The following SGCE variants were observed in gnomAD, a reference collection of about 807,000 sequenced individuals.
SGCE encodes the protein epsilon-sarcoglycan.
SGCE carries 26 observed loss-of-function variants against 57.8 expected under a neutral mutation model. That is an observed-to-expected ratio of 0.45 (90% confidence interval 0.33 to 0.62). SGCE has a LOEUF of 0.62. Ranked by LOEUF, SGCE falls within the 20% of genes least tolerant of loss-of-function variation. The pLI, the probability that SGCE is intolerant of heterozygous loss-of-function variation, is 0.02. For synonymous variants in SGCE, 183 were observed against 189.5 expected (o/e 0.97, Z 0.28); for missense variants, 468 against 548.6 (o/e 0.85, Z 1.47).
chr7:94,635,460 T>C (rs925511274), intron 1 of SGCE, among the ~76,000 whole-genome samples: 3 of 152,198 alleles, frequency 2.0e-5, no homozygotes, highest in Non-Finnish European at 2.9e-5. Context: ...AAATGTTAAG[T>C]ACTGACAAAA....
intron 9 of SGCE, among the ~76,000 whole-genome samples, chr7:94,593,565 A>G (rs1797984492): frequency 6.6e-6 from 1 of 152,006 alleles, no homozygotes; most frequent in Non-Finnish European, 1.5e-5. Flanking sequence ...TTCCCCAAGC[A>G]TAAGACTACA....
chr7:94,617,311 C>T lies in SGCE; in HGVS notation c.662+1447G>A, dbSNP rs987211596. 6 of 152,160 alleles carry T rather than the reference C, an allele frequency of 3.9e-5. No homozygotes were observed. In the South Asian group the frequency reaches 6.2e-4, roughly 16 times the overall value. 9.4% of individuals were successfully genotyped at this position (152,160 alleles called of 1,614,324 possible). The stretch of plus-strand genomic sequence containing the variant: ...AGTTCAGGTTCTAAAAGTACCTCGA[C>T]GGGTGGGACCTGCACTACTAACGAG... On this transcript the variant is annotated intron_variant, in intron 5 of 10. Transcript: ENST00000648936.
intron 4 of SGCE, 33 bp from the exon 5 acceptor site, chr7:94,618,989 T>C: frequency 7.2e-7 from 1 of 1,385,896 alleles, no homozygotes; most frequent in South Asian, 1.2e-5. Context: ...TGCATATCTT[T>C]AATGAAGTAG....
intron 5 of SGCE, among the ~76,000 whole-genome samples, chr7:94,605,362 A>G (rs1386048916): frequency 6.6e-6 from 1 of 151,546 alleles, no homozygotes; most frequent in African/African-American, 2.4e-5. Context: ...TCAGAGAAGG[A>G]ATAAGTGAAG....
At chr7:94,637,086 C>T (rs1584735701) in intron 1 of SGCE, among the ~76,000 whole-genome samples, 1 of 149,434 alleles carries the variant, frequency 6.7e-6, no homozygotes, top group Non-Finnish European at 1.5e-5. Flanking sequence ...CTACACAAAA[C>T]ATATATTTGT....
intron 1 of SGCE, chr7:94,644,587 A>G: frequency 8.3e-7 from 1 of 1,198,006 alleles, no homozygotes; most frequent in Non-Finnish European, 1.1e-6. Context: ...ATGAAATTTA[A>G]TCTGATTATC....
intron 1 of SGCE, chr7:94,639,365 T>C (rs1019303070): frequency 1.2e-5 from 18 of 1,534,258 alleles, no homozygotes; most frequent in Non-Finnish European, 1.4e-5. Context: ...GCAGCCATTT[T>C]TCTGCTGATA....
At chr7:94,590,627 T>C (rs369565973) in intron 9 of SGCE, 5 of 152,170 alleles carry the variant, frequency 3.3e-5, no homozygotes, top group African/African-American at 7.2e-5. Context: ...ATTTTCAGTT[T>C]TTTGTTTTCT....
Position 94,618,833 on chromosome 7 carries a change from A to G in SGCE, c.587T>C (p.Leu196Pro). The change falls in exon 5 of 11, where the codon CTG (leucine) becomes CCG (proline). Residue 196 changes from leucine (L) to proline (P), a missense_variant. Coordinates refer to ENST00000648936, the MANE Select transcript of SGCE (RefSeq NM_003919.3). ...AVKNVWQPER[L>P]NAINITSALD... is the part of the protein sequence containing the mutation. ...GGCCGATGTGATGTTTATGGCGTTC[A>G]GGCGCTCTGGCTGCCACACATTTTT... 6.2e-7 allele frequency: 1 copy of G among 1,614,068 alleles called. No homozygotes were observed. The highest frequency in any genetic ancestry group is 8.5e-7 in the Non-Finnish European group (1 of 1,179,968).
intron 7 of SGCE, 46 bp downstream of exon 7, chr7:94,600,600 A>G (rs1317466595): frequency 1.4e-6 from 2 of 1,387,808 alleles, no homozygotes; most frequent in South Asian, 1.2e-5. Flanking sequence ...CTATGTTGTT[A>G]TCTTAGCAGG....
chr7:94,603,589 C>G, intron 5 of SGCE, 137 bp from the exon 6 acceptor site: 1 of 750,012 alleles, frequency 1.3e-6, no homozygotes, highest in South Asian at 1.7e-5. Flanking sequence ...GGCCTCGGCT[C>G]TAAAAACAAT....
chr7:94,622,105 C>A (rs1802885274), intron 4 of SGCE: 1 of 152,106 alleles, frequency 6.6e-6, no homozygotes, highest in African/African-American at 2.4e-5. Context: ...TAATTTTTAA[C>A]CCAGCCTTGA....
At chr7:94,639,588 T>C (rs1048299866) in intron 1 of SGCE, 1 of 609,584 alleles carries the variant, frequency 1.6e-6, no homozygotes, top group Non-Finnish European at 2.9e-6. Context: ...TCAGCAAATA[T>C]TTGTTGTATG....
intron 10 of SGCE, chr7:94,588,150 AG>A: frequency 1.8e-6 from 2 of 1,122,628 alleles, no homozygotes; most frequent in Non-Finnish European, 2.2e-6. Context: ...AAATAAAGAA[AG>A]CAAGTCTTAG....
chr7:94,604,013 G>A (rs991402020), intron 5 of SGCE, among the ~76,000 whole-genome samples: 7 of 152,016 alleles, frequency 4.6e-5, no homozygotes, highest in African/African-American at 1.7e-4. Flanking sequence ...TCATTAGAAG[G>A]CCTTGCAATC....
intron 1 of SGCE, among the ~76,000 whole-genome samples, chr7:94,654,696 CTT>C (rs1354941887): frequency 3.3e-5 from 5 of 152,192 alleles, no homozygotes; most frequent in Non-Finnish European, 1.5e-5. Context: ...GAAAGGCTCT[CTT>C]TTAAAGTGCG....
At chr7:94,624,018 T>C (rs908391407) in intron 3 of SGCE, 26 of 392,616 alleles carry the variant, frequency 6.6e-5, no homozygotes, top group Non-Finnish European at 7.6e-5. Context: ...GCAGAGCCAA[T>C]AGACTTACAT....
At chr7:94,586,093 A>G (rs1796880056) in intron 10 of SGCE, among the ~76,000 whole-genome samples, 1 of 149,448 alleles carries the variant, frequency 6.7e-6, no homozygotes, top group African/African-American at 2.5e-5. Flanking sequence ...AAAAACAACA[A>G]CTTCAAGATA....
intron 1 of SGCE, among the ~76,000 whole-genome samples, chr7:94,652,349 A>G (rs887779057): frequency 9.2e-5 from 14 of 152,322 alleles, no homozygotes; most frequent in African/African-American, 3.4e-4. Context: ...GATAATTAGC[A>G]AAAAAGAAAA....
Sources: gnomAD v4.1 joint callset for allele counts (sites outside exome capture counted in the v4.1 genomes callset) on GRCh38, gnomAD v4.1.1 for gene constraint, MANE v1.5 for transcripts, NCBI Gene and HGNC (gene_info 2026-07-23, HGNC 2026-07-21) for gene names.